CDH23: variants seen among roughly 807,000 people sequenced by gnomAD.
CDH23 encodes cadherin-23.
Under a neutral mutation model 317.1 loss-of-function variants are expected in CDH23, and 189 were observed. The observed-to-expected ratio is 0.60, with a 90% CI of 0.53 to 0.67. CDH23 has a LOEUF of 0.67. Among genes scored for constraint, CDH23 ranks in the 30% least tolerant of loss-of-function variants. CDH23 has a pLI of 0.00. For missense variants in CDH23, 4,401 were observed against 4,592.4 expected (o/e 0.96, Z 1.20); for synonymous variants, 1,839 against 1,876.8 (o/e 0.98, Z 0.52).
chr10:71,752,333 T>G (rs1342288140), intron 38 of CDH23, among the ~76,000 whole-genome samples: 1 of 152,214 alleles, frequency 6.6e-6, no homozygotes, highest in Non-Finnish European at 1.5e-5. Flanking sequence ...AGATTCTAGA[T>G]GAGTTGCAAG....
chr10:71,769,630 C>A lies in CDH23; in HGVS notation c.4846-8050C>A, dbSNP rs1292156096. Among the ~76,000 whole-genome samples, 4 of 152,222 alleles carry A rather than the reference C, an allele frequency of 2.6e-5. No homozygotes were observed. The East Asian group carries it at 7.7e-4, about 29-fold the overall frequency. The stretch of plus-strand genomic sequence containing the variant: ...GCCTCACTGAGACCACGTCACCCAA[C>A]CTGTCCATTGCACAGACAAAGGGGA... On this transcript the variant is annotated intron_variant, in intron 38 of 69. Transcript: ENST00000224721.
chr10:71,764,782 G>C (rs1160467885), intron 38 of CDH23, among the ~76,000 whole-genome samples: 1 of 152,148 alleles, frequency 6.6e-6, no homozygotes. Flanking sequence ...AGCTGGCATG[G>C]GACTCTACTG....
chr10:71,789,016 C>T lies in CDH23; in HGVS notation c.5897C>T (p.Ala1966Val). 1.3e-6 allele frequency: 2 copies of T among 1,589,678 alleles called. No individual in the cohort carries two copies. Among genetic ancestry groups the T allele is most frequent in the Non-Finnish European group, 1.7e-6 (2 of 1,157,810 alleles). ...CTCTTCACTAAAAGCACCTACCAGG[C>T]AGAGGTGATGGAAAACTCTCCCGCT... ...HPLFTKSTYQ[A>V]EVMENSPAGT... Residue 1966 changes from alanine (A) to valine (V), a missense_variant, in exon 45 of 70, where the codon GCA (alanine) becomes GTA (valine). Physicochemically the swap from Ala to Val is moderately conservative, Grantham distance 64. Around this residue, in one of 3 missense-constraint regions of CDH23, gnomAD observed 3,068 missense variants for 3,203.3 expected, o/e 0.96. Transcript: ENST00000224721.
chr10:71,510,134 G>A lies in CDH23; in HGVS notation c.198G>A (p.Val66=), dbSNP rs111033288. Residue 66 remains valine, a synonymous_variant, in exon 4 of 70, where the codon GTG becomes GTA. Transcript: ENST00000224721. ...AAGACATGGACAATGACCCCCTGGT[G>A]TTTGGCGTGTCTGGGGAGGAGGCCT... is the stretch of plus-strand genomic sequence containing the variant. ...LAQDMDNDPL[V]FGVSGEEASR... is the part of the protein sequence containing the mutation. The A allele has an allele frequency of 2.8e-3, 4,487 of 1,614,058 alleles. 65 individuals carry two copies. Among genetic ancestry groups the A allele is most frequent in the South Asian group, 0.026 (2,398 of 91,084 alleles).
chr10:71,450,527 C>T (rs1850386248), intron 3 of CDH23, among the ~76,000 whole-genome samples: 2 of 152,154 alleles, frequency 1.3e-5, no homozygotes, highest in South Asian at 4.1e-4. Flanking sequence ...CTCAGCCTCC[C>T]AAAGTGCTAG....
Position 71,734,649 on chromosome 10 carries a change from C to T in CDH23, c.4207-7C>T. The T allele has an allele frequency of 6.8e-7, 1 of 1,478,554 alleles. No homozygotes were observed. The highest frequency in any genetic ancestry group is 9.2e-7 in the Non-Finnish European group (1 of 1,092,552). 91.6% of individuals were successfully genotyped at this position (1,478,554 alleles called of 1,614,324 possible). A position where few individuals can be genotyped will look rare whatever the true frequency, so the allele number is the denominator to read the frequency against. ...CACTCCCCTCCTGCTGCTGCCTCTG[C>T]CTACAGAAGGTGAGTAGCCTGTGGC... On this transcript the variant is annotated splice_region_variant and splice_polypyrimidine_tract_variant and intron_variant, in intron 33 of 69. Transcript: ENST00000224721.
At chr10:71,799,376 C>G (rs1394972545) in intron 51 of CDH23, 96 bp downstream of exon 51, 17 of 1,604,278 alleles carry the variant, frequency 1.1e-5, no homozygotes, top group Non-Finnish European at 1.5e-5. Flanking sequence ...CTCTAAGCCC[C>G]CTGGGAGTGC....
At chr10:71,754,771 A>ATGG (rs1840090496) in intron 38 of CDH23, among the ~76,000 whole-genome samples, 1 of 152,146 alleles carries the variant, frequency 6.6e-6, no homozygotes, top group African/African-American at 2.4e-5. Context: ...TTTTTATTAT[A>ATGG]TGGTGGACTT....
At chr10:71,434,524 G>C (rs1849534423) in intron 1 of CDH23, among the ~76,000 whole-genome samples, 1 of 152,138 alleles carries the variant, frequency 6.6e-6, no homozygotes, top group African/African-American at 2.4e-5. Context: ...GATTTGACTT[G>C]GTGGGGGGCA....
chr10:71,743,220 G>A (rs1239812988), intron 38 of CDH23, among the ~76,000 whole-genome samples: 1 of 152,208 alleles, frequency 6.6e-6, no homozygotes, highest in Non-Finnish European at 1.5e-5. Context: ...TGCAAAGAGT[G>A]TGGTTACAAG....
chr10:71,739,848 A>G lies in CDH23; in HGVS notation c.4488+76A>G. The G allele has an allele frequency of 2.0e-6, 3 of 1,486,024 alleles. No individual in the cohort carries two copies. In the South Asian group the frequency reaches 3.9e-5, roughly 19 times the overall value. 92.1% of individuals were successfully genotyped at this position (1,486,024 alleles called of 1,614,324 possible). A position where few individuals can be genotyped will look rare whatever the true frequency, so the allele number is the denominator to read the frequency against. On this transcript the variant is annotated intron_variant, in intron 36 of 69. Coordinates refer to ENST00000224721, the MANE Select transcript of CDH23 (RefSeq NM_022124.6). ...CCGGTCACTACTCTCCATCCAGGAG[A>G]GAGCCTGTCCATCAGCACACTCTGG...
At chr10:71,588,933 A>G (rs1279174462) in intron 9 of CDH23, among the ~76,000 whole-genome samples, 1 of 152,204 alleles carries the variant, frequency 6.6e-6, no homozygotes. Context: ...CCCCTGCTGC[A>G]GGCTGCACTT....
chr10:71,406,018 A>ATTT (rs10659003), intron 1 of CDH23, among the ~76,000 whole-genome samples: 1,777 of 147,666 alleles, frequency 0.012, 19 homozygotes, highest in Middle Eastern at 0.031. Context: ...AAAGCAGGTA[A>ATTT]TTTTTTTTTT....
chr10:71,466,005 G>A (rs1851235554), intron 3 of CDH23, among the ~76,000 whole-genome samples: 1 of 152,186 alleles, frequency 6.6e-6, no homozygotes, highest in South Asian at 2.1e-4. Context: ...CCTGTGCTGG[G>A]CGGCTCTTGC....
At chr10:71,755,087 A>C in intron 38 of CDH23, 1 of 598,894 alleles carries the variant, frequency 1.7e-6, no homozygotes, top group Non-Finnish European at 3.1e-6. Context: ...GCTACTGCAT[A>C]TGATCATTCA....
chr10:71,550,676 C>T (rs1398516019), intron 6 of CDH23, among the ~76,000 whole-genome samples: 1 of 152,066 alleles, frequency 6.6e-6, no homozygotes, highest in Non-Finnish European at 1.5e-5. Flanking sequence ...CTGCTTCAGG[C>T]CCAAGTCCAC....
chr10:71,550,579 A>AAAAAAAAAAAAAAAAAAG (rs1564647432), intron 6 of CDH23, among the ~76,000 whole-genome samples: 11 of 121,212 alleles, frequency 9.1e-5, no homozygotes, highest in East Asian at 7.5e-4. Context: ...AAAAAAAAAG[A>AAAAAAAAAAAAAAAAAAG]AAAAAGAAAA....
At chr10:71,452,809 C>A (rs1850513682) in intron 3 of CDH23, among the ~76,000 whole-genome samples, 1 of 152,186 alleles carries the variant, frequency 6.6e-6, no homozygotes, top group Middle Eastern at 3.2e-3. Context: ...CAGCCTCTTG[C>A]CCGAGCCTCT....
intron 14 of CDH23, among the ~76,000 whole-genome samples, chr10:71,666,065 A>G (rs1863878517): frequency 6.6e-6 from 1 of 152,158 alleles, no homozygotes; most frequent in Non-Finnish European, 1.5e-5. Context: ...CCAAGTCCAC[A>G]ATGGAACAAA....
Sources: allele counts gnomAD v4.1 joint callset (sites outside exome capture counted in the v4.1 genomes callset), GRCh38; gene constraint gnomAD v4.1.1; regional missense constraint gnomAD v4.1.1; transcripts MANE v1.5; gene names NCBI Gene and HGNC (gene_info 2026-07-23, HGNC 2026-07-21).